TELO2: variants seen among roughly 807,000 people sequenced by gnomAD.
TELO2 encodes the protein telomere length regulation protein TEL2 homolog.
TELO2 carries 71 observed loss-of-function variants against 91.0 expected under a neutral mutation model. The ratio of observed to expected loss-of-function variants is 0.78; its 90% CI spans 0.64 to 0.95. The LOEUF is 0.95. Ranked by LOEUF, TELO2 falls within the 40% of genes least tolerant of loss-of-function variation. The pLI, the probability that TELO2 is intolerant of heterozygous loss-of-function variation, is 0.00. For synonymous variants in TELO2, 584 were observed against 518.9 expected, an observed-to-expected ratio of 1.13 and a Z score of -1.71; for missense variants, 1,183 against 1,141.3, an observed-to-expected ratio of 1.04 and a Z score of -0.53.
rs527468740 is a variant in TELO2, at chr16:1,500,495, G to A, written c.1144+7G>A. ...CTGCGGGACAGCCGGGATGGTGAGC[G>A]GGTGGTTTGGGCTCCCCCCGGCCTC... On this transcript the variant is annotated splice_region_variant and intron_variant, in intron 8 of 20. Transcript: ENST00000262319. The A allele has an allele frequency of 2.0e-5, 32 of 1,610,124 alleles. No homozygotes were observed. The highest frequency in any genetic ancestry group is 3.3e-4 in the Middle Eastern group (2 of 6,008).
At chr16:1,502,569 G>A (rs58893598) in intron 13 of TELO2, 76 bp from the exon 14 acceptor site, 138,606 of 1,553,708 alleles carry the variant, frequency 0.089, 7,380 homozygotes, top group East Asian at 0.19. Flanking sequence ...GGGTGGCTCC[G>A]GCCCTGTGAG....
intron 5 of TELO2, 120 bp from the exon 6 acceptor site, chr16:1,499,111 G>A (rs1596255791): frequency 5.3e-6 from 5 of 943,856 alleles, no homozygotes; most frequent in Admixed American, 3.9e-5. Context: ...CCAGAGGCTC[G>A]TGGCTAGGAA....
Position 1,507,231 on chromosome 16 carries a change from C to T in TELO2, c.2227-75C>T, listed in dbSNP as rs1292869614. 5.4e-5 allele frequency: 84 copies of T among 1,568,936 alleles called. No homozygotes were observed. In the East Asian group the frequency reaches 1.3e-3, roughly 24 times the overall value. ...CCCTGTCCCTGCTGCTGCCCAGCAG[C>T]GGAAGCCGCCCATGGGTGCTGGGAT... On this transcript the variant is annotated intron_variant, in intron 18 of 20. Coordinates refer to ENST00000262319, the MANE Select transcript of TELO2 (RefSeq NM_016111.4).
rs762648784 is a variant in TELO2 at position 1,495,414 on chromosome 16, T to C, written c.404T>C (p.Val135Ala). 2.8e-5 allele frequency: 45 copies of C among 1,593,192 alleles called. 1 individual carries two copies. In the South Asian group the frequency reaches 4.7e-4, roughly 17 times the overall value. ...TTCCTGCGCGAGGGCCGGCTGGCAG[T>C]GCTGATGGAGGCGCAGTGTCGGCAG... is the stretch of plus-strand genomic sequence containing the variant. ...ARFLREGRLAVLMEAQCRQQT... is the reference protein window; with the variant it reads ...ARFLREGRLAALMEAQCRQQT... The change falls in exon 3 of 21, where the codon GTG (valine) becomes GCG (alanine). Residue 135 changes from valine (V) to alanine (A), a missense_variant. Val to Ala is a moderately conservative substitution (Grantham distance 64). Coordinates refer to ENST00000262319, the MANE Select transcript of TELO2 (RefSeq NM_016111.4).
At position 1,506,253 on chromosome 16, in the gene TELO2, G is replaced by A. The variant is rs912975738; in HGVS notation, c.2050G>A (p.Gly684Ser). The A allele has an allele frequency of 1.2e-6, 2 of 1,613,564 alleles. No homozygotes were observed. Among genetic ancestry groups the A allele is most frequent in the African/African-American group, 1.3e-5 (1 of 74,942 alleles). ...QRLSKGGPRQ[G>S]PAGSPSRFNS... ...TGTCTGGCAGGGTGGCCCGAGGCAG[G>A]GCCCGGCAGGCAGCCCCAGCAGATT... is the stretch of plus-strand genomic sequence containing the variant. The change falls in exon 17 of 21, where the codon GGC (glycine) becomes AGC (serine). Residue 684 changes from glycine to serine, a missense_variant. By Grantham distance (56) the Gly-to-Ser change is moderately conservative (BLOSUM62 0). Coordinates refer to ENST00000262319, the MANE Select transcript of TELO2 (RefSeq NM_016111.4).
rs2039853657 is a variant in TELO2, at chr16:1,505,414, T to A, written c.1847T>A (p.Leu616Gln). ...CCTGGGCCTGTCTCCCTCCAGGTGC[T>A]GACTCTGGCTGCCCAGGAGCTGTCT... ...LRQRMDILDVLTLAAQELSRP... is the reference protein window; with the variant it reads ...LRQRMDILDVQTLAAQELSRP... Residue 616 changes from leucine to glutamine, a missense_variant, in exon 16 of 21, where the codon CTG becomes CAG. Leu to Gln is a moderately radical substitution (Grantham distance 113). Transcript: ENST00000262319. The surrounding 1 kb of genome is among the most constrained non-coding windows in gnomAD (Gnocchi z 4.3). The A allele has an allele frequency of 6.2e-7, 1 of 1,608,856 alleles. No individual in the cohort carries two copies. Among genetic ancestry groups the A allele is most frequent in the Non-Finnish European group, 8.5e-7 (1 of 1,176,754 alleles).
At position 1,498,940 on chromosome 16, in the gene TELO2, A is replaced by G. The variant is rs572836422; in HGVS notation, c.831-291A>G. Among the ~76,000 whole-genome samples, 66 of 152,224 alleles carry G rather than the reference A, an allele frequency of 4.3e-4. No individual in the cohort carries two copies. In the South Asian group the frequency reaches 0.013, roughly 29 times the overall value. Reference sequence around the variant, plus strand: ...TTGGCACTGTCAAAGGAGGCCTTCGAGGGTGGACCCGCCTCCGCCCGGGCT... The same window carrying G: ...TTGGCACTGTCAAAGGAGGCCTTCGGGGGTGGACCCGCCTCCGCCCGGGCT... On this transcript the variant is annotated intron_variant, in intron 5 of 20. Transcript: ENST00000262319.
At chr16:1,495,296 G>C (rs932807256) in intron 2 of TELO2, 50 bp from the exon 3 acceptor site, 1 of 1,493,142 alleles carries the variant, frequency 6.7e-7, no homozygotes, top group Admixed American at 2.1e-5. Flanking sequence ...CAGGAAGGGG[G>C]CCCCGAGGAT....
chr16:1,506,144 G>T, intron 16 of TELO2, 94 bp from the exon 17 acceptor site: 1 of 1,392,496 alleles, frequency 7.2e-7, no homozygotes, highest in East Asian at 2.3e-5. Context: ...CGAGGCTGAG[G>T]TCCACGCTGC....
Position 1,497,652 on chromosome 16 carries a change from T to A in TELO2, c.830+144T>A. The A allele has an allele frequency of 8.7e-7, 1 of 1,154,014 alleles. No individual in the cohort carries two copies. The highest frequency in any genetic ancestry group is 1.2e-6 in the Non-Finnish European group (1 of 844,884). 71.5% of individuals were successfully genotyped at this position (1,154,014 alleles called of 1,614,324 possible). A position where few individuals can be genotyped will look rare whatever the true frequency, so the allele number is the denominator to read the frequency against. On this transcript the variant is annotated intron_variant, in intron 5 of 20. Transcript: ENST00000262319. The surrounding 1 kb of genome is among the most constrained non-coding windows in gnomAD (Gnocchi z 4.0). ...GTGCCACAGGGTGTGGGTGGTGCCC[T>A]CTCAGTTCCCGCACGTGCTGATGGT...
chr16:1,508,342 A>G (rs1216861635), intron 20 of TELO2, among the ~76,000 whole-genome samples: 2 of 152,128 alleles, frequency 1.3e-5, no homozygotes, highest in Admixed American at 6.5e-5. Context: ...CATGTTGGTC[A>G]GGATGGTCTC....
chr16:1,500,906 C>T (rs1035738548), intron 9 of TELO2, among the ~76,000 whole-genome samples: 5 of 152,226 alleles, frequency 3.3e-5, no homozygotes, highest in Admixed American at 6.5e-5. Flanking sequence ...GAGCACAGGG[C>T]CCCCAGAAGG....
chr16:1,509,767 C>A, intron 20 of TELO2, 63 bp from the exon 21 acceptor site: 3 of 1,464,316 alleles, frequency 2.0e-6, no homozygotes, highest in Non-Finnish European at 1.9e-6. Context: ...AGACTGAAGA[C>A]AGGAGGAGGG....
chr16:1,495,559 C>T lies in TELO2; in HGVS notation c.549C>T (p.Asn183=). The stretch of plus-strand genomic sequence containing the variant: ...ACTTGGCCGAGTTCTTCCCCCAGAA[C>T]TACTTCCGCCTGCTCGGCGAGGAGG... ...QENLAEFFPQ[N]YFRLLGEEVV... is the part of the protein sequence containing the mutation. Residue 183 remains asparagine (N), a synonymous_variant, in exon 3 of 21, where the codon AAC becomes AAT. Transcript: ENST00000262319. 19 of 1,610,996 alleles carry T rather than the reference C, an allele frequency of 1.2e-5. No individual in the cohort carries two copies. Among genetic ancestry groups the T allele is most frequent in the Non-Finnish European group, 1.6e-5 (19 of 1,178,944 alleles).
At chr16:1,501,874 G>T in intron 11 of TELO2, 101 bp downstream of exon 11, 1 of 1,455,334 alleles carries the variant, frequency 6.9e-7, no homozygotes, top group Non-Finnish European at 9.4e-7. Context: ...TGCCTGCTCC[G>T]TGCTTCTTCT....
Position 1,501,696 on chromosome 16 carries a change from TGCAGAGACCCCC to T in TELO2, c.1403_1414del (p.Thr468_Glu471del), listed in dbSNP as rs751984111. The T allele has an allele frequency of 1.9e-6, 3 of 1,612,588 alleles. No individual in the cohort carries two copies. The African/African-American group carries it at 4.0e-5, about 22-fold the overall frequency. On this transcript the variant is annotated inframe_deletion, in exon 11 of 21. Transcript: ENST00000262319. ...TCGTTCCAGCCACGGCAGAGCCCCCTGCAGAGACCCCCGCAGAGATCGTGGATGGCGGCGTCC... is the reference window on the plus strand; with the variant it reads ...TCGTTCCAGCCACGGCAGAGCCCCCTGCAGAGATCGTGGATGGCGGCGTCC...
In TELO2 at chr16:1,494,292, C is replaced by T. The variant is rs1350701995; in HGVS notation, c.11C>T (p.Ala4Val). 4.3e-6 allele frequency: 7 copies of T among 1,612,442 alleles called. No individual in the cohort carries two copies. Among genetic ancestry groups the T allele is most frequent in the Non-Finnish European group, 5.9e-6 (7 of 1,179,368 alleles). The change falls in exon 2 of 21, where the codon GCA (alanine) becomes GTA (valine). Residue 4 changes from alanine (A) to valine (V), a missense_variant. Transcript: ENST00000262319. This position sits in a 1 kb window ranked among gnomAD's most constrained non-coding sequence, Gnocchi z 5.6. MEP[A>V]PSEVRLAVRE... ...GATCTGTCCTGCAGGATGGAGCCAG[C>T]ACCCTCAGAGGTTCGACTCGCCGTC...
At position 1,501,742 on chromosome 16, in the gene TELO2, C is replaced by G; in HGVS notation, c.1441C>G (p.Gln481Glu). ...EIVDGGVPQAQLAGSDSDLDS... is the reference protein window; with the variant it reads ...EIVDGGVPQAELAGSDSDLDS... ...CGTGGATGGCGGCGTCCCCCAAGCA[C>G]AGCTGGCGGGCTCTGACTCGGACCT... The change falls in exon 11 of 21, where the codon CAG (glutamine) becomes GAG (glutamate). Residue 481 changes from glutamine (Q) to glutamate (E), a missense_variant. Transcript: ENST00000262319. 1 of 1,611,270 alleles carries G rather than the reference C, an allele frequency of 6.2e-7. No individual in the cohort carries two copies. Among genetic ancestry groups the G allele is most frequent in the Non-Finnish European group, 8.5e-7 (1 of 1,179,870 alleles).
chr16:1,502,216 G>T, intron 12 of TELO2, 81 bp downstream of exon 12: 1 of 1,584,062 alleles, frequency 6.3e-7, no homozygotes. Context: ...AGGGGCCACC[G>T]GGAAGCCCTG....
Sources: gnomAD v4.1 joint callset for allele counts (sites outside exome capture counted in the v4.1 genomes callset) on GRCh38, gnomAD v4.1.1 for gene constraint, Gnocchi (gnomAD v3.1) non-coding constraint, MANE v1.5 for transcripts, NCBI Gene and HGNC (gene_info 2026-07-23, HGNC 2026-07-21) for gene names.